Variants in CLCNKA observed in about 807,000 individuals in gnomAD.
CLCNKA encodes chloride channel protein ClC-Ka.
In CLCNKA, 66 loss-of-function variants were observed where a neutral mutation model predicts 83.3. That is an observed-to-expected ratio of 0.79 (90% confidence interval 0.65 to 0.97). The LOEUF is 0.97. Ranked by LOEUF, CLCNKA falls within the 50% of genes least tolerant of loss-of-function variation. The pLI, the probability that CLCNKA is intolerant of heterozygous loss-of-function variation, is 0.00. For synonymous variants in CLCNKA, 357 were observed against 370.4 expected (o/e 0.96, Z 0.42); for missense variants, 806 against 888.7 (o/e 0.91, Z 1.18).
chr1:16,026,640 G>T (rs376882398), intron 6 of CLCNKA, 27 bp downstream of exon 6: 1 of 1,613,882 alleles, frequency 6.2e-7, no homozygotes. Context: ...CTTCCTTGGA[G>T]AAATGGGAGT....
At chr1:16,028,573 C>T (rs1158465088) in intron 10 of CLCNKA, 188 bp from the exon 11 acceptor site, 3 of 739,892 alleles carry the variant, frequency 4.1e-6, no homozygotes, top group African/African-American at 3.4e-5. Flanking sequence ...TTGAGGGGCT[C>T]ACCCCACGGG....
chr1:16,032,261 T>C lies in CLCNKA; in HGVS notation c.1815T>C (p.Ala605=), dbSNP rs545277506. 6.3e-7 allele frequency: 1 copy of C among 1,597,938 alleles called. No individual in the cohort carries two copies. Among genetic ancestry groups the C allele is most frequent in the Admixed American group, 1.7e-5 (1 of 59,158 alleles). The change falls in exon 17 of 20, where the codon GCT becomes GCC. Residue 605 remains alanine, a synonymous_variant. Coordinates refer to ENST00000331433, the MANE Select transcript of CLCNKA (RefSeq NM_004070.4). ...QRAQLVQALQ[A]EPPSRAPGHQ... ...CCCAGCTGGTGCAGGCCCTCCAGGC[T>C]GAGCCTCCTTCCAGGGCTCCAGGAC...
intron 13 of CLCNKA, 61 bp downstream of exon 13, chr1:16,029,861 C>T: frequency 6.2e-7 from 1 of 1,608,798 alleles, no homozygotes; most frequent in South Asian, 1.1e-5. Context: ...GCCATGCATC[C>T]TGGTTCACCC....
chr1:16,024,992 A>G, intron 4 of CLCNKA, 101 bp downstream of exon 4: 1 of 1,499,194 alleles, frequency 6.7e-7, no homozygotes, highest in Non-Finnish European at 9.2e-7. Context: ...CTCATTTCTC[A>G]AGCCCAGAAG....
Position 16,029,162 on chromosome 1 carries a change from A to T in CLCNKA, c.1090A>T (p.Asn364Tyr). The T allele has an allele frequency of 6.2e-7, 1 of 1,612,406 alleles. No homozygotes were observed. The highest frequency in any genetic ancestry group is 8.5e-7 in the Non-Finnish European group (1 of 1,179,818). ...GCAGCATCTGGACTCGCTGTTCGAC[A>T]ACCACTCCTGGGCGCTGATGACCCA... The part of the protein sequence containing the change: ...MKQHLDSLFD[N>Y]HSWALMTQNS... The change falls in exon 12 of 20, where the codon AAC becomes TAC. Residue 364 changes from asparagine to tyrosine, a missense_variant. Physicochemically the swap from Asn to Tyr is moderately radical, Grantham distance 143. Transcript: ENST00000331433.
intron 18 of CLCNKA, among the ~76,000 whole-genome samples, chr1:16,032,878 A>T (rs924682267): frequency 6.6e-6 from 1 of 152,232 alleles, no homozygotes; most frequent in Non-Finnish European, 1.5e-5. Context: ...GCCTGACACA[A>T]GGATGGGGCA....
chr1:16,028,682 C>A (rs1379160890), intron 10 of CLCNKA, 79 bp from the exon 11 acceptor site: 2 of 1,557,760 alleles, frequency 1.3e-6, no homozygotes, highest in South Asian at 1.1e-5. Flanking sequence ...TCTGCTGCTG[C>A]CTGGACCAGG....
intron 18 of CLCNKA, 102 bp downstream of exon 18, chr1:16,032,628 A>T (rs9442217): frequency 1.1e-6 from 1 of 886,734 alleles, no homozygotes; most frequent in Non-Finnish European, 1.9e-6. Context: ...CGCCCCGCCC[A>T]TCTTATCCTG....
rs1484890215 is a variant in CLCNKA, at chr1:16,023,802, G to A, written c.103G>A (p.Gly35Ser). Residue 35 changes from glycine (G) to serine (S), a missense_variant and splice_region_variant, in exon 3 of 20, where the codon GGC becomes AGC. Transcript: ENST00000331433. ...CPHIRRAIQG[G>S]LEWLKQKVFR... ...GGGACTCCGATACCCTGCCCCAGGTGGCCTGGAGTGGCTAAAGCAGAAGGT... is the reference window on the plus strand; with the variant it reads ...GGGACTCCGATACCCTGCCCCAGGTAGCCTGGAGTGGCTAAAGCAGAAGGT... 2 of 1,614,086 alleles carry A rather than the reference G, an allele frequency of 1.2e-6. No individual in the cohort carries two copies. Among genetic ancestry groups the A allele is most frequent in the Admixed American group, 3.3e-5 (2 of 60,026 alleles).
In CLCNKA at chr1:16,029,032, G is replaced by T. The variant is rs1423997397; in HGVS notation, c.1054-94G>T. 3 of 1,555,686 alleles carry T rather than the reference G, an allele frequency of 1.9e-6. No individual in the cohort carries two copies. The African/African-American group carries it at 4.1e-5, about 21-fold the overall frequency. On this transcript the variant is annotated intron_variant, in intron 11 of 19. Transcript: ENST00000331433. ...GGCCCCCCGCTGGGAAGTGGCAGGG[G>T]AGGATTCCAGGCGGGGTCAGGCGGT...
Position 16,030,441 on chromosome 1 carries a change from G to C in CLCNKA, c.1409-20G>C, listed in dbSNP as rs938020270. The C allele has an allele frequency of 6.2e-7, 1 of 1,611,896 alleles. No homozygotes were observed. The highest frequency in any genetic ancestry group is 1.1e-5 in the South Asian group (1 of 91,048). ...CCTGCCTCCTGGCCTGAGCCGACCT[G>C]TGTGGCTCTGCCCCGGCAGGGGCTG... On this transcript the variant is annotated intron_variant, in intron 14 of 19. Coordinates refer to ENST00000331433, the MANE Select transcript of CLCNKA (RefSeq NM_004070.4).
intron 17 of CLCNKA, 63 bp from the exon 18 acceptor site, chr1:16,032,380 G>C (rs1420268691): frequency 1.3e-6 from 2 of 1,554,206 alleles, no homozygotes; most frequent in Admixed American, 3.3e-5. Flanking sequence ...TGAGGGAGAG[G>C]TGGTCTGAGA....
chr1:16,030,995 G>A (rs2022602244), intron 15 of CLCNKA, among the ~76,000 whole-genome samples: 1 of 152,208 alleles, frequency 6.6e-6, no homozygotes, highest in Non-Finnish European at 1.5e-5. Flanking sequence ...GTGACACAGA[G>A]AGTCAGCACC....
In CLCNKA at chr1:16,032,264, G is replaced by A. The variant is rs1235510009; in HGVS notation, c.1818G>A (p.Glu606=). ...RAQLVQALQA[E]PPSRAPGHQQ... is the part of the protein sequence containing the mutation. ...AGCTGGTGCAGGCCCTCCAGGCTGA[G>A]CCTCCTTCCAGGGCTCCAGGACACC... The change falls in exon 17 of 20, where the codon GAG becomes GAA. Residue 606 remains glutamate, a synonymous_variant. Transcript: ENST00000331433. The A allele has an allele frequency of 6.6e-7, 1 of 1,519,712 alleles. No individual in the cohort carries two copies. The highest frequency in any genetic ancestry group is 1.1e-5 in the South Asian group (1 of 89,746). The allele number at this position is 1,519,712 out of a possible 1,614,324, so 94.1% of individuals were successfully genotyped here. A position where few individuals can be genotyped will look rare whatever the true frequency, so the allele number is the denominator to read the frequency against.
intron 4 of CLCNKA, among the ~76,000 whole-genome samples, chr1:16,025,861 T>C (rs1423822682): frequency 6.6e-6 from 1 of 151,990 alleles, no homozygotes; most frequent in Non-Finnish European, 1.5e-5. Context: ...TTCAAGCAAT[T>C]CTCCTGCCTC....
chr1:16,033,528 C>T (rs1225302684), intron 19 of CLCNKA, 83 bp from the exon 20 acceptor site: 2 of 1,181,292 alleles, frequency 1.7e-6, no homozygotes, highest in South Asian at 2.5e-5. Flanking sequence ...TGGAAATGAA[C>T]CTTAGGGGAC....
chr1:16,023,925 C>T lies in CLCNKA; in HGVS notation c.226C>T (p.Arg76Ter), dbSNP rs144762086. The T allele has an allele frequency of 8.1e-6, 13 of 1,613,884 alleles. No homozygotes were observed. Among genetic ancestry groups the T allele is most frequent in the African/African-American group, 4.0e-5 (3 of 74,928 alleles). ...AMNFAIGCVV[R>*]AHQWLYREIG... is the part of the protein sequence containing the mutation. Reference sequence around the variant, plus strand: ...GAACTTTGCCATCGGGTGTGTGGTCCGAGGTAACTCTTCCCTGGCAGGTGC... The same window carrying T: ...GAACTTTGCCATCGGGTGTGTGGTCTGAGGTAACTCTTCCCTGGCAGGTGC... The change falls in exon 3 of 20, where the codon CGA (arginine) becomes TGA (stop). Residue 76 changes from arginine to a stop codon, truncating the protein, a stop_gained. Transcript: ENST00000331433. LOFTEE classifies it high-confidence loss of function.
In CLCNKA at chr1:16,032,445, G is replaced by T; in HGVS notation, c.1848G>T (p.Gln616His). The change falls in exon 18 of 20, where the codon CAG becomes CAT. Residue 616 changes from glutamine to histidine, a missense_variant and splice_region_variant. By Grantham distance (24) the Gln-to-His change is conservative (BLOSUM62 0). Coordinates refer to ENST00000331433, the MANE Select transcript of CLCNKA (RefSeq NM_004070.4). ...CCATAACTCTTCCCCACTCCCAGCA[G>T]TGTCTCCAGGACATCTTGGCCAGGG... Reference protein sequence around the residue: ...EPPSRAPGHQQCLQDILARGC... With the variant: ...EPPSRAPGHQHCLQDILARGC... The T allele has an allele frequency of 6.2e-7, 1 of 1,612,402 alleles. No homozygotes were observed. Among genetic ancestry groups the T allele is most frequent in the Non-Finnish European group, 8.5e-7 (1 of 1,179,106 alleles).
chr1:16,025,635 C>T lies in CLCNKA; in HGVS notation c.359-473C>T, dbSNP rs565733498. ...TGAGGAAGTCGGGGTTATAATGAGC[C>T]GAGATCGAACCACTGCATTCCAGCC... On this transcript the variant is annotated intron_variant, in intron 4 of 19. Transcript: ENST00000331433. Among the ~76,000 whole-genome samples, 45 of 151,954 alleles carry T rather than the reference C, an allele frequency of 3.0e-4. 2 individuals carry two copies. The South Asian group carries it at 8.7e-3, about 29-fold the overall frequency.
Sources: gnomAD v4.1 joint callset for allele counts (sites outside exome capture counted in the v4.1 genomes callset) on GRCh38, gnomAD v4.1.1 for gene constraint, MANE v1.5 for transcripts, NCBI Gene and HGNC (gene_info 2026-07-23, HGNC 2026-07-21) for gene names.